KIF16B: variants seen among roughly 807,000 people sequenced by gnomAD.
KIF16B encodes the protein kinesin family member 16B, also known as kinesin-like protein KIF16B.
KIF16B carries 98 observed loss-of-function variants against 156.3 expected under a neutral mutation model. The observed-to-expected ratio is 0.63, with a 90% confidence interval of 0.53 to 0.74. The LOEUF (loss-of-function observed/expected upper bound fraction) is 0.74. KIF16B is among the 30% of genes least tolerant of loss of function. The pLI is 0.00. For synonymous variants in KIF16B, 564 were observed against 583.7 expected (o/e 0.97, Z 0.49); for missense variants, 1,421 against 1,606.5 (o/e 0.88, Z 1.97).
intron 1 of KIF16B, among the ~76,000 whole-genome samples, chr20:16,549,649 A>T (rs1196210010): frequency 4.5e-4 from 68 of 151,576 alleles, no homozygotes; most frequent in Non-Finnish European, 4.0e-4. Context: ...CAAAACAGAG[A>T]TATAGATCAA....
intron 22 of KIF16B, 131 bp downstream of exon 22, chr20:16,370,455 C>A: frequency 1.6e-6 from 1 of 622,586 alleles, no homozygotes; most frequent in Non-Finnish European, 2.6e-6. Context: ...AATAGCTTGC[C>A]TTCCCTATTA....
intron 12 of KIF16B, among the ~76,000 whole-genome samples, chr20:16,482,751 T>C (rs2068015056): frequency 6.6e-6 from 1 of 152,170 alleles, no homozygotes; most frequent in Admixed American, 6.5e-5. Context: ...ATGCCTCAAC[T>C]CATGTGCATC....
intron 24 of KIF16B, among the ~76,000 whole-genome samples, chr20:16,334,939 C>T (rs2064009670): frequency 1.3e-5 from 2 of 152,150 alleles, no homozygotes. Context: ...CTTAATTCTA[C>T]CTGAGCTCAA....
At chr20:16,572,854 T>C (rs2071504561) in intron 1 of KIF16B, among the ~76,000 whole-genome samples, 1 of 149,484 alleles carries the variant, frequency 6.7e-6, no homozygotes, top group Non-Finnish European at 1.5e-5. Flanking sequence ...TCTGAGTTGG[T>C]AGAAATGAGG....
At chr20:16,480,543 T>G (rs1045784421) in intron 12 of KIF16B, among the ~76,000 whole-genome samples, 1 of 152,172 alleles carries the variant, frequency 6.6e-6, no homozygotes, top group African/African-American at 2.4e-5. Flanking sequence ...AAGAATAAAT[T>G]AAGTGAAAAC....
intron 12 of KIF16B, among the ~76,000 whole-genome samples, chr20:16,457,066 C>T (rs1052296751): frequency 2.6e-5 from 4 of 152,160 alleles, no homozygotes; most frequent in African/African-American, 7.2e-5. Context: ...TCTGGTAAGA[C>T]AAAATGAGTT....
At chr20:16,338,590 AT>A (rs1241356620) in intron 23 of KIF16B, among the ~76,000 whole-genome samples, 20 of 152,222 alleles carry the variant, frequency 1.3e-4, no homozygotes, top group Admixed American at 5.9e-4. Context: ...AGAAATCCTC[AT>A]AAGCACAAAA....
chr20:16,401,468 T>C (rs8114159), intron 17 of KIF16B, among the ~76,000 whole-genome samples: 5,150 of 152,282 alleles, frequency 0.034, 230 homozygotes, highest in African/African-American at 0.1. Context: ...ATTTGGAACA[T>C]CCACGCCCAA....
chr20:16,438,854 C>A (rs913742539), intron 12 of KIF16B, among the ~76,000 whole-genome samples: 1 of 152,120 alleles, frequency 6.6e-6, no homozygotes, highest in East Asian at 1.9e-4. Context: ...TACATCCCTG[C>A]AAAGTTGATT....
intron 12 of KIF16B, among the ~76,000 whole-genome samples, chr20:16,484,231 C>T (rs904273183): frequency 6.6e-6 from 1 of 152,126 alleles, no homozygotes; most frequent in Non-Finnish European, 1.5e-5. Flanking sequence ...CTTGGAATAC[C>T]TTTATTTATG....
At chr20:16,359,246 T>A (rs1336172343) in intron 22 of KIF16B, among the ~76,000 whole-genome samples, 2 of 152,202 alleles carry the variant, frequency 1.3e-5, no homozygotes, top group Non-Finnish European at 2.9e-5. Context: ...GGGAGGTGTT[T>A]GGGTCACACG....
At chr20:16,340,384 C>T (rs1048630204) in intron 23 of KIF16B, among the ~76,000 whole-genome samples, 8 of 152,180 alleles carry the variant, frequency 5.3e-5, no homozygotes, top group Admixed American at 2.0e-4. Flanking sequence ...CTAACATGGT[C>T]TGGATTTACT....
At chr20:16,286,336 C>T (rs982544104) in intron 25 of KIF16B, among the ~76,000 whole-genome samples, 2 of 152,058 alleles carry the variant, frequency 1.3e-5, no homozygotes, top group African/African-American at 4.8e-5. Context: ...AATTGTTTTC[C>T]GTGGGCACTG....
intron 22 of KIF16B, 120 bp from the exon 23 acceptor site, chr20:16,356,572 G>T: frequency 9.3e-7 from 1 of 1,071,528 alleles, no homozygotes; most frequent in Non-Finnish European, 1.3e-6. Context: ...CATCAAACCA[G>T]TAGGGTTTAT....
At chr20:16,443,356 A>G (rs2066852951) in intron 12 of KIF16B, among the ~76,000 whole-genome samples, 1 of 152,206 alleles carries the variant, frequency 6.6e-6, no homozygotes, top group Admixed American at 6.5e-5. Context: ...GGTGAAAAGG[A>G]GGGAAACCAC....
intron 2 of KIF16B, 25 bp downstream of exon 2, chr20:16,528,346 T>G: frequency 6.3e-7 from 1 of 1,595,186 alleles, no homozygotes. Flanking sequence ...TCTTGGAACT[T>G]AAGCAAGGCC....
chr20:16,319,638 T>C (rs978899753), intron 24 of KIF16B, among the ~76,000 whole-genome samples: 2 of 152,116 alleles, frequency 1.3e-5, no homozygotes, highest in Non-Finnish European at 2.9e-5. Flanking sequence ...GAACAGTAAT[T>C]CCAGAATCTC....
intron 12 of KIF16B, among the ~76,000 whole-genome samples, chr20:16,451,747 G>A (rs11087169): frequency 0.25 from 37,462 of 152,034 alleles, 4,809 homozygotes; most frequent in South Asian, 0.32. Flanking sequence ...AAGATTCCTG[G>A]TATTTGTAGA....
chr20:16,328,113 G>GC (rs1362736273), intron 24 of KIF16B, among the ~76,000 whole-genome samples: 1 of 152,166 alleles, frequency 6.6e-6, no homozygotes, highest in Non-Finnish European at 1.5e-5. Context: ...AGCACTAACT[G>GC]AAAGTCCATC....
Sources: gnomAD v4.1 joint callset for allele counts (sites outside exome capture counted in the v4.1 genomes callset) on GRCh38, gnomAD v4.1.1 for gene constraint, MANE v1.5 for transcripts, NCBI Gene and HGNC (gene_info 2026-07-23, HGNC 2026-07-21) for gene names.